Variants in PDE10A observed in about 807,000 individuals in gnomAD.
PDE10A encodes phosphodiesterase 10A.
PDE10A carries 39 observed loss-of-function variants against 97.7 expected under a neutral mutation model. The ratio of observed to expected loss-of-function variants is 0.40; its 90% confidence interval spans 0.31 to 0.52. PDE10A has a LOEUF of 0.52. Among genes scored for constraint, PDE10A ranks in the 20% least tolerant of loss-of-function variants. The pLI, the probability that PDE10A is intolerant of heterozygous loss-of-function variation, is 0.56. For missense variants in PDE10A, 731 were observed against 1,047.8 expected (o/e 0.70, Z 4.17); for synonymous variants, 371 against 376.8 (o/e 0.98, Z 0.18).
Position 165,350,715 on chromosome 6 carries a change from T to C in PDE10A, c.2784-7213A>G, listed in dbSNP as rs565534318. Among the ~76,000 whole-genome samples, 24 of 152,276 alleles carry C rather than the reference T, an allele frequency of 1.6e-4. No individual in the cohort carries two copies. In the East Asian group the frequency reaches 1.7e-3, roughly 11 times the overall value. On this transcript the variant is annotated intron_variant, in intron 18 of 21. Transcript: ENST00000539869. Reference sequence around the variant, plus strand: ...CATGGGAGGGACCAGGTGGAGATAATTGAAACATGGGGGCAGTTTCCCCAA... The same window carrying C: ...CATGGGAGGGACCAGGTGGAGATAACTGAAACATGGGGGCAGTTTCCCCAA...
rs556227482 is a variant in PDE10A at position 165,826,794 on chromosome 6, G to A, written c.-615+160735C>T. Among the ~76,000 whole-genome samples, 19 of 152,096 alleles carry A rather than the reference G, an allele frequency of 1.2e-4. 1 individual carries two copies. The South Asian group carries it at 2.9e-3, about 23-fold the overall frequency. Reference sequence around the variant, plus strand: ...GCGGTTGGGAGGGGGGACGCACAGGGGGAGGCTGGGGGGCAGGGAGGAGAG... The same window carrying A: ...GCGGTTGGGAGGGGGGACGCACAGGAGGAGGCTGGGGGGCAGGGAGGAGAG... On this transcript the variant is annotated intron_variant, in intron 1 of 19. Transcript: ENST00000366882.
intron 1 of PDE10A, among the ~76,000 whole-genome samples, chr6:165,832,661 C>T (rs188455463): frequency 3.3e-5 from 5 of 152,308 alleles, no homozygotes; most frequent in East Asian, 3.9e-4. Flanking sequence ...GCCGTTTCCT[C>T]GGTGTGGATG....
intron 1 of PDE10A, among the ~76,000 whole-genome samples, chr6:165,705,222 A>G (rs1198302727): frequency 6.6e-6 from 1 of 152,200 alleles, no homozygotes; most frequent in East Asian, 1.9e-4. Context: ...TGAGGTTAAG[A>G]CCAGGTAGAG....
intron 1 of PDE10A, among the ~76,000 whole-genome samples, chr6:165,692,150 A>T (rs1018841470): frequency 3.9e-5 from 6 of 152,214 alleles, no homozygotes; most frequent in African/African-American, 1.4e-4. Context: ...GAGGCCATGC[A>T]GCGTGACAGG....
intron 1 of PDE10A, among the ~76,000 whole-genome samples, chr6:165,751,178 C>T (rs1227941379): frequency 1.3e-5 from 2 of 152,168 alleles, no homozygotes; most frequent in African/African-American, 2.4e-5. Flanking sequence ...TCACCACATA[C>T]CAAGCACCTT....
chr6:165,632,292 G>C (rs1045454398), intron 1 of PDE10A, among the ~76,000 whole-genome samples: 1 of 151,398 alleles, frequency 6.6e-6, no homozygotes, highest in Non-Finnish European at 1.5e-5. Flanking sequence ...CACAGAAGCC[G>C]TCTTGGTCTT....
intron 1 of PDE10A, among the ~76,000 whole-genome samples, chr6:165,914,366 A>G (rs1030716960): frequency 1.3e-5 from 2 of 152,242 alleles, no homozygotes; most frequent in African/African-American, 4.8e-5. Flanking sequence ...CTTCATTGGG[A>G]GTTATGAGCA....
At chr6:165,387,025 A>T (rs1785355911) in intron 17 of PDE10A, among the ~76,000 whole-genome samples, 1 of 152,058 alleles carries the variant, frequency 6.6e-6, no homozygotes, top group Non-Finnish European at 1.5e-5. Context: ...CAAAAAAAAA[A>T]TTTCTATGTA....
intron 1 of PDE10A, among the ~76,000 whole-genome samples, chr6:165,832,113 G>T (rs1779938101): frequency 6.6e-6 from 1 of 152,092 alleles, no homozygotes; most frequent in Non-Finnish European, 1.5e-5. Context: ...TACACCCTAG[G>T]AAAGTCTCTA....
intron 18 of PDE10A, among the ~76,000 whole-genome samples, chr6:165,376,626 A>G (rs1784619164): frequency 6.6e-6 from 1 of 152,246 alleles, no homozygotes; most frequent in Admixed American, 6.5e-5. Context: ...AGAAACTGCC[A>G]CATCCAGGCT....
intron 18 of PDE10A, among the ~76,000 whole-genome samples, chr6:165,347,501 C>T (rs1044174650): frequency 6.0e-4 from 91 of 152,112 alleles, no homozygotes; most frequent in African/African-American, 2.1e-3. Flanking sequence ...CATTTTTCTC[C>T]ATTACAGAGA....
In PDE10A at chr6:165,589,776, C is replaced by T. The variant is rs115559656; in HGVS notation, c.866-46208G>A. Among the ~76,000 whole-genome samples the T allele has an allele frequency of 8.8e-3, 1,345 of 152,208 alleles. 21 individuals carry two copies. The highest frequency in any genetic ancestry group is 0.031 in the African/African-American group (1,284 of 41,520). ...ATTGTCTATATTCCAGGCTAAATAA[C>T]TTATCTGCATATGGTATGAACTGCA... On this transcript the variant is annotated intron_variant, in intron 1 of 21. Coordinates refer to ENST00000539869, the MANE Select transcript of PDE10A (RefSeq NM_001385079.1).
chr6:165,846,147 G>A (rs1310432770), intron 1 of PDE10A, among the ~76,000 whole-genome samples: 2 of 152,180 alleles, frequency 1.3e-5, no homozygotes, highest in African/African-American at 4.8e-5. Context: ...TGCAGGTCAA[G>A]AGCTGTTAAT....
At chr6:165,934,993 C>G (rs1254583774) in intron 1 of PDE10A, among the ~76,000 whole-genome samples, 1 of 152,098 alleles carries the variant, frequency 6.6e-6, no homozygotes, top group African/African-American at 2.4e-5. Context: ...AAAAAGATTC[C>G]TAAGTGTTAG....
intron 1 of PDE10A, chr6:165,949,258 G>A (rs1212013224): frequency 6.6e-6 from 1 of 152,182 alleles, no homozygotes; most frequent in Non-Finnish European, 1.5e-5. Context: ...AACCCACCTA[G>A]TACACAGTAC....
At chr6:165,835,765 C>A (rs113759402) in intron 1 of PDE10A, among the ~76,000 whole-genome samples, 39 of 152,262 alleles carry the variant, frequency 2.6e-4, no homozygotes, top group African/African-American at 9.1e-4. Context: ...CTTGGCACAG[C>A]CAGCAGCGTA....
chr6:165,369,431 T>C (rs991542669), intron 18 of PDE10A, among the ~76,000 whole-genome samples: 16 of 151,436 alleles, frequency 1.1e-4, no homozygotes, highest in Non-Finnish European at 4.4e-5. Context: ...ACGTGAAGAA[T>C]GCAGAAGCCT....
At chr6:165,987,925 A>G (rs1008409331) in exon 1 of PDE10A, 2 of 372,976 alleles carry the variant, frequency 5.4e-6, no homozygotes, top group African/African-American at 4.2e-5. Context: ...AGCAGCAGCA[A>G]CTTCGGACTC....
At chr6:165,432,389 C>A (rs1213714904) in intron 7 of PDE10A, among the ~76,000 whole-genome samples, 1 of 152,086 alleles carries the variant, frequency 6.6e-6, no homozygotes, top group East Asian at 1.9e-4. Flanking sequence ...AGTTAAGTAG[C>A]CTGTCAGCCT....
Sources: gnomAD v4.1 joint callset for allele counts (sites outside exome capture counted in the v4.1 genomes callset) on GRCh38, gnomAD v4.1.1 for gene constraint, MANE v1.5 for transcripts, NCBI Gene and HGNC (gene_info 2026-07-23, HGNC 2026-07-21) for gene names.